INAFM2: variants seen among roughly 807,000 people sequenced by gnomAD.
INAFM2 encodes putative transmembrane protein INAFM2.
A neutral mutation model predicts 5.6 loss-of-function variants in INAFM2; 3 were observed. The ratio of observed to expected loss-of-function variants is 0.54; its 90% CI spans 0.24 to 1.39. The LOEUF (loss-of-function observed/expected upper bound fraction) is 1.39, where lower values mean the gene tolerates loss of function less well. INAFM2 is among the 40% of genes most tolerant of loss of function. INAFM2 has a pLI of 0.16. For synonymous variants in INAFM2, 113 were observed against 109.1 expected (o/e 1.04, Z -0.22); for missense variants, 186 against 217.5 (o/e 0.86, Z 0.91).
Position 40,324,340 on chromosome 15 carries a change from G to A in INAFM2, c.285G>A (p.Gly95=). 8.2e-7 allele frequency: 1 copy of A among 1,226,170 alleles called. No individual in the cohort carries two copies. The highest frequency in any genetic ancestry group is 1.0e-6 in the Non-Finnish European group (1 of 984,356). The allele number at this position is 1,226,170 out of a possible 1,614,324, so 76.0% of individuals were successfully genotyped here. A position where few individuals can be genotyped will look rare whatever the true frequency, so the allele number is the denominator to read the frequency against. Residue 95 remains glycine, a synonymous_variant, in exon 1 of 1, where the codon GGG becomes GGA. Coordinates refer to ENST00000638170, the MANE Select transcript of INAFM2 (RefSeq NM_001301268.2). The part of the protein sequence containing the change: ...PSGTSGAAAA[G]PNTTGSSRRE... The stretch of plus-strand genomic sequence containing the variant: ...GGACTTCGGGGGCGGCGGCGGCGGG[G>A]CCCAACACCACTGGGTCGTCCCGCC...
At position 40,324,751 on chromosome 15, in the gene INAFM2, A is replaced by T. The variant is rs1170519325; in HGVS notation, c.*234A>T. The T allele has an allele frequency of 1.6e-4, 39 of 243,672 alleles. No individual in the cohort carries two copies. The highest frequency in any genetic ancestry group is 1.2e-3 in the Middle Eastern group (1 of 834). The allele number at this position is 243,672 out of a possible 1,614,324, so 15.1% of individuals were successfully genotyped here. ...TTGCTGCCCAGGACCGTGCTGCACCAGGGCCCTGAGCCGTAGGGGGATGGG... is the reference window on the plus strand; with the variant it reads ...TTGCTGCCCAGGACCGTGCTGCACCTGGGCCCTGAGCCGTAGGGGGATGGG... On this transcript the variant is annotated 3_prime_UTR_variant, in exon 1 of 1. Coordinates refer to ENST00000638170, the MANE Select transcript of INAFM2 (RefSeq NM_001301268.2).
In INAFM2 at chr15:40,324,617, C is replaced by G; in HGVS notation, c.*100C>G. 2.4e-6 allele frequency: 2 copies of G among 818,434 alleles called. No individual in the cohort carries two copies. Among genetic ancestry groups the G allele is most frequent in the Non-Finnish European group, 3.2e-6 (2 of 615,782 alleles). The allele number at this position is 818,434 out of a possible 1,614,324, so 50.7% of individuals were successfully genotyped here. The stretch of plus-strand genomic sequence containing the variant: ...GGAGAGCCCGCGGGAGTGACCCCCA[C>G]GAGAGTGAACGCCCCTCACACTCCC... On this transcript the variant is annotated 3_prime_UTR_variant, in exon 1 of 1. Coordinates refer to ENST00000638170, the MANE Select transcript of INAFM2 (RefSeq NM_001301268.2).
Position 40,324,215 on chromosome 15 carries a change from G to T in INAFM2, c.160G>T (p.Ala54Ser). The T allele has an allele frequency of 8.1e-7, 1 of 1,229,570 alleles. No individual in the cohort carries two copies. The highest frequency in any genetic ancestry group is 1.0e-6 in the Non-Finnish European group (1 of 986,688). The allele number at this position is 1,229,570 out of a possible 1,614,324, so 76.2% of individuals were successfully genotyped here. A position where few individuals can be genotyped will look rare whatever the true frequency, so the allele number is the denominator to read the frequency against. The change falls in exon 1 of 1, where the codon GCC becomes TCC. Residue 54 changes from alanine (A) to serine (S), a missense_variant. By Grantham distance (99) the Ala-to-Ser change is moderately conservative. Around this residue, in one of 2 missense-constraint regions of INAFM2, gnomAD observed 38 missense variants for 77.3 expected, o/e 0.49. Coordinates refer to ENST00000638170, the MANE Select transcript of INAFM2 (RefSeq NM_001301268.2). The stretch of plus-strand genomic sequence containing the variant: ...CGTGTCGCTGGCCGCCATCGTGCTC[G>T]CCGTCTACTACAGCCTCATCTGGCA... Reference protein sequence around the residue: ...LSVSLAAIVLAVYYSLIWQPV... With the variant: ...LSVSLAAIVLSVYYSLIWQPV...
Position 40,324,033 on chromosome 15 carries a change from G to A in INAFM2, c.-23G>A. On this transcript the variant is annotated 5_prime_UTR_variant, in exon 1 of 1. Coordinates refer to ENST00000638170, the MANE Select transcript of INAFM2 (RefSeq NM_001301268.2). ...CCTCCAGCCGGGGCCGTGGAGCACC[G>A]GGGCAAAGGCCGGGGCCCCCCCATG... The A allele has an allele frequency of 8.2e-7, 1 of 1,222,452 alleles. No homozygotes were observed. The highest frequency in any genetic ancestry group is 1.0e-6 in the Non-Finnish European group (1 of 981,000). The allele number at this position is 1,222,452 out of a possible 1,614,324, so 75.7% of individuals were successfully genotyped here. A position where few individuals can be genotyped will look rare whatever the true frequency, so the allele number is the denominator to read the frequency against.
At position 40,324,462 on chromosome 15, in the gene INAFM2, C is replaced by T; in HGVS notation, c.407C>T (p.Pro136Leu). The change falls in exon 1 of 1, where the codon CCT becomes CTT. Residue 136 changes from proline (P) to leucine (L), a missense_variant. By Grantham distance (98) the Pro-to-Leu change is moderately conservative. Transcript: ENST00000638170. ...DSPPAGPLERPRGPDEDEEET... is the reference protein window; with the variant it reads ...DSPPAGPLERLRGPDEDEEET... ...CCCCCGGCCGGGCCGCTCGAGCGGC[C>T]TCGGGGGCCGGACGAGGACGAAGAG... 1 of 1,227,142 alleles carries T rather than the reference C, an allele frequency of 8.1e-7. No individual in the cohort carries two copies. The highest frequency in any genetic ancestry group is 1.0e-6 in the Non-Finnish European group (1 of 984,910). 76.0% of individuals were successfully genotyped at this position (1,227,142 alleles called of 1,614,324 possible).
rs907806358 is a variant in INAFM2 at position 40,324,525 on chromosome 15, C to T, written c.*8C>T. 6 of 1,226,444 alleles carry T rather than the reference C, an allele frequency of 4.9e-6. No homozygotes were observed. The African/African-American group carries it at 6.2e-5, about 13-fold the overall frequency. The allele number at this position is 1,226,444 out of a possible 1,614,324, so 76.0% of individuals were successfully genotyped here. A position where few individuals can be genotyped will look rare whatever the true frequency, so the allele number is the denominator to read the frequency against. On this transcript the variant is annotated 3_prime_UTR_variant, in exon 1 of 1. Transcript: ENST00000638170. ...GCGCCCGGGAGTCGTTGAAGCCCTCCGCGCTGGGGGCCGCCGGGAACCATT... is the reference window on the plus strand; with the variant it reads ...GCGCCCGGGAGTCGTTGAAGCCCTCTGCGCTGGGGGCCGCCGGGAACCATT...
chr15:40,323,761 GA>G lies in INAFM2; in HGVS notation c.-294del, dbSNP rs1426986950. The stretch of plus-strand genomic sequence containing the variant: ...GCGCGGCGGCGTGGCGGCGGATGGG[GA>G]CGCGGAGCCGGGCGGCTGTGGCGGC... On this transcript the variant is annotated 5_prime_UTR_variant, in exon 1 of 1. It introduces an in-frame stop codon into an upstream open reading frame of the 5' UTR. Coordinates refer to ENST00000638170, the MANE Select transcript of INAFM2 (RefSeq NM_001301268.2). This position sits in a 1 kb window ranked among gnomAD's most constrained non-coding sequence, Gnocchi z 5.6. 1.4e-5 allele frequency: 2 copies of G among 146,112 alleles called. No homozygotes were observed. Among genetic ancestry groups the G allele is most frequent in the African/African-American group, 5.0e-5 (2 of 40,352 alleles). 9.1% of individuals were successfully genotyped at this position (146,112 alleles called of 1,614,324 possible).
rs1420945711 is a variant in INAFM2, at chr15:40,326,213, TAGC to T, written c.*1700_*1702del. The stretch of plus-strand genomic sequence containing the variant: ...GGTCTCTTGGCTAGAGCAGATTTCT[TAGC>T]AGCTGACTAGGACTTCAGTCATTGG... On this transcript the variant is annotated 3_prime_UTR_variant, in exon 1 of 1. Transcript: ENST00000638170. 1.3e-5 allele frequency: 2 copies of T among 152,240 alleles called. No individual in the cohort carries two copies. The highest frequency in any genetic ancestry group is 6.5e-5 in the Admixed American group (1 of 15,280). 9.4% of individuals were successfully genotyped at this position (152,240 alleles called of 1,614,324 possible).
In INAFM2 at chr15:40,324,206, A is replaced by G. The variant is rs1888744564; in HGVS notation, c.151A>G (p.Ile51Val). 1 of 1,229,110 alleles carries G rather than the reference A, an allele frequency of 8.1e-7. No individual in the cohort carries two copies. The highest frequency in any genetic ancestry group is 4.1e-5 in the South Asian group (1 of 24,314). The allele number at this position is 1,229,110 out of a possible 1,614,324, so 76.1% of individuals were successfully genotyped here. Residue 51 changes from isoleucine to valine, a missense_variant, in exon 1 of 1, where the codon ATC (isoleucine) becomes GTC (valine). By Grantham distance (29) the Ile-to-Val change is conservative (BLOSUM62 3). Transcript: ENST00000638170. ...AYVLSVSLAA[I>V]VLAVYYSLIW... is the part of the protein sequence containing the mutation. ...CGTGCTCTCCGTGTCGCTGGCCGCC[A>G]TCGTGCTCGCCGTCTACTACAGCCT...
In INAFM2 at chr15:40,324,271, C is replaced by G. The variant is rs1484590910; in HGVS notation, c.216C>G (p.Ala72=). Residue 72 remains alanine (A), a synonymous_variant, in exon 1 of 1, where the codon GCC becomes GCG. Coordinates refer to ENST00000638170, the MANE Select transcript of INAFM2 (RefSeq NM_001301268.2). The part of the protein sequence containing the change: ...QPVGAGTSGG[A]AGPPPGGSNA... Reference sequence around the variant, plus strand: ...TGGGCGCCGGGACCTCGGGGGGAGCCGCTGGCCCGCCCCCCGGCGGCTCCA... The same window carrying G: ...TGGGCGCCGGGACCTCGGGGGGAGCGGCTGGCCCGCCCCCCGGCGGCTCCA... 8.1e-7 allele frequency: 1 copy of G among 1,228,874 alleles called. No homozygotes were observed. Among genetic ancestry groups the G allele is most frequent in the Non-Finnish European group, 1.0e-6 (1 of 986,372 alleles). 76.1% of individuals were successfully genotyped at this position (1,228,874 alleles called of 1,614,324 possible). A position where few individuals can be genotyped will look rare whatever the true frequency, so the allele number is the denominator to read the frequency against.
chr15:40,323,925 A>T lies in INAFM2; in HGVS notation c.-131A>T. Reference sequence around the variant, plus strand: ...TGGCGGGCTGCGGGCGGGCGGCGTGAGGAGCGGCGGCGGAGCGCGGGGCCG... The same window carrying T: ...TGGCGGGCTGCGGGCGGGCGGCGTGTGGAGCGGCGGCGGAGCGCGGGGCCG... On this transcript the variant is annotated 5_prime_UTR_variant, in exon 1 of 1. Transcript: ENST00000638170. This position sits in a 1 kb window ranked among gnomAD's most constrained non-coding sequence, Gnocchi z 5.6. 1 of 332,940 alleles carries T rather than the reference A, an allele frequency of 3.0e-6. No homozygotes were observed. Among genetic ancestry groups the T allele is most frequent in the Non-Finnish European group, 4.9e-6 (1 of 205,890 alleles). The allele number at this position is 332,940 out of a possible 1,614,324, so 20.6% of individuals were successfully genotyped here. A position where few individuals can be genotyped will look rare whatever the true frequency, so the allele number is the denominator to read the frequency against.
In INAFM2 at chr15:40,324,234, T is replaced by G; in HGVS notation, c.179T>G (p.Ile60Ser). The change falls in exon 1 of 1, where the codon ATC becomes AGC. Residue 60 changes from isoleucine (I) to serine (S), a missense_variant. By Grantham distance (142) the Ile-to-Ser change is moderately radical. This residue lies in a region of INAFM2 where 148 missense variants were observed against 140.2 expected (regional missense o/e 1.06). Coordinates refer to ENST00000638170, the MANE Select transcript of INAFM2 (RefSeq NM_001301268.2). The stretch of plus-strand genomic sequence containing the variant: ...GTGCTCGCCGTCTACTACAGCCTCA[T>G]CTGGCAGCCGGTGGGCGCCGGGACC... The part of the protein sequence containing the change: ...AIVLAVYYSL[I>S]WQPVGAGTSG... 8.1e-7 allele frequency: 1 copy of G among 1,229,266 alleles called. No individual in the cohort carries two copies. The highest frequency in any genetic ancestry group is 1.0e-6 in the Non-Finnish European group (1 of 986,598). The allele number at this position is 1,229,266 out of a possible 1,614,324, so 76.1% of individuals were successfully genotyped here. A position where few individuals can be genotyped will look rare whatever the true frequency, so the allele number is the denominator to read the frequency against.
In INAFM2 at chr15:40,324,017, G is replaced by A; in HGVS notation, c.-39G>A. The stretch of plus-strand genomic sequence containing the variant: ...GCAGGCCGCCAGGCCCCCTCCAGCC[G>A]GGGCCGTGGAGCACCGGGGCAAAGG... On this transcript the variant is annotated 5_prime_UTR_variant, in exon 1 of 1. Coordinates refer to ENST00000638170, the MANE Select transcript of INAFM2 (RefSeq NM_001301268.2). The A allele has an allele frequency of 8.4e-7, 1 of 1,194,200 alleles. No homozygotes were observed. The highest frequency in any genetic ancestry group is 1.0e-6 in the Non-Finnish European group (1 of 955,944). The allele number at this position is 1,194,200 out of a possible 1,614,324, so 74.0% of individuals were successfully genotyped here.
chr15:40,324,048 GC>G lies in INAFM2; in HGVS notation c.-1del, dbSNP rs1888741284. ...GTGGAGCACCGGGGCAAAGGCCGGGGCCCCCCCATGAAGGAGCGCGACGCGG... is the reference window on the plus strand; with the variant it reads ...GTGGAGCACCGGGGCAAAGGCCGGGGCCCCCCATGAAGGAGCGCGACGCGG... On this transcript the variant is annotated 5_prime_UTR_variant, in exon 1 of 1. Coordinates refer to ENST00000638170, the MANE Select transcript of INAFM2 (RefSeq NM_001301268.2). 6 of 1,226,924 alleles carry G rather than the reference GC, an allele frequency of 4.9e-6. No homozygotes were observed. In the South Asian group the frequency reaches 1.2e-4, roughly 25 times the overall value. The allele number at this position is 1,226,924 out of a possible 1,614,324, so 76.0% of individuals were successfully genotyped here.
rs1315534743 is a variant in INAFM2, at chr15:40,323,845, G to GCGGCGCTGGCGGCGGTGA, written c.-209_-192dup. On this transcript the variant is annotated 5_prime_UTR_variant, in exon 1 of 1. Transcript: ENST00000638170. The surrounding 1 kb of genome is among the most constrained non-coding windows in gnomAD (Gnocchi z 5.6). ...AGCAGCTGACGGGCCGGCGGCGGCG[G>GCGGCGCTGGCGGCGGTGA]CGGCGCTGGCGGCGGTGACTGGTCC... 1 of 151,218 alleles carries GCGGCGCTGGCGGCGGTGA rather than the reference G, an allele frequency of 6.6e-6. No individual in the cohort carries two copies. The highest frequency in any genetic ancestry group is 1.4e-5 in the Non-Finnish European group (1 of 69,278). 9.4% of individuals were successfully genotyped at this position (151,218 alleles called of 1,614,324 possible).
chr15:40,324,202 C>A lies in INAFM2; in HGVS notation c.147C>A (p.Ala49=). The A allele has an allele frequency of 8.1e-7, 1 of 1,229,458 alleles. No individual in the cohort carries two copies. Among genetic ancestry groups the A allele is most frequent in the Non-Finnish European group, 1.0e-6 (1 of 986,598 alleles). 76.2% of individuals were successfully genotyped at this position (1,229,458 alleles called of 1,614,324 possible). A position where few individuals can be genotyped will look rare whatever the true frequency, so the allele number is the denominator to read the frequency against. Reference sequence around the variant, plus strand: ...CCTACGTGCTCTCCGTGTCGCTGGCCGCCATCGTGCTCGCCGTCTACTACA... The same window carrying A: ...CCTACGTGCTCTCCGTGTCGCTGGCAGCCATCGTGCTCGCCGTCTACTACA... ...VFAYVLSVSL[A]AIVLAVYYSL... is the part of the protein sequence containing the mutation. Residue 49 remains alanine, a synonymous_variant, in exon 1 of 1, where the codon GCC becomes GCA. Coordinates refer to ENST00000638170, the MANE Select transcript of INAFM2 (RefSeq NM_001301268.2).
In INAFM2 at chr15:40,323,994, A is replaced by G. The variant is rs1781659437; in HGVS notation, c.-62A>G. 2.4e-5 allele frequency: 25 copies of G among 1,058,784 alleles called. No individual in the cohort carries two copies. The highest frequency in any genetic ancestry group is 4.4e-5 in the Admixed American group (1 of 22,782). The allele number at this position is 1,058,784 out of a possible 1,614,324, so 65.6% of individuals were successfully genotyped here. A position where few individuals can be genotyped will look rare whatever the true frequency, so the allele number is the denominator to read the frequency against. ...GGGCCGCCCCCTGCCCAGTCCTTGC[A>G]GGCCGCCAGGCCCCCTCCAGCCGGG... On this transcript the variant is annotated 5_prime_UTR_variant, in exon 1 of 1. Transcript: ENST00000638170. This position sits in a 1 kb window ranked among gnomAD's most constrained non-coding sequence, Gnocchi z 5.6.
At position 40,324,169 on chromosome 15, in the gene INAFM2, C is replaced by T. The variant is rs549241652; in HGVS notation, c.114C>T (p.Thr38=). 6.5e-6 allele frequency: 8 copies of T among 1,229,276 alleles called. No homozygotes were observed. The highest frequency in any genetic ancestry group is 3.1e-5 in the African/African-American group (2 of 64,376). The allele number at this position is 1,229,276 out of a possible 1,614,324, so 76.1% of individuals were successfully genotyped here. The change falls in exon 1 of 1, where the codon ACC becomes ACT. Residue 38 remains threonine (T), a synonymous_variant. Coordinates refer to ENST00000638170, the MANE Select transcript of INAFM2 (RefSeq NM_001301268.2). ...ACAAGAAGTGGGTCCGGCTCGCCAC[C>T]GTGTTCGCCTACGTGCTCTCCGTGT... ...KTNKKWVRLA[T]VFAYVLSVSL...
In INAFM2 at chr15:40,324,553, C is replaced by T; in HGVS notation, c.*36C>T. ...GCTGGGGGCCGCCGGGAACCATTCTCCCCAAGCCCAGAGGCAGGACTTCGC... is the reference window on the plus strand; with the variant it reads ...GCTGGGGGCCGCCGGGAACCATTCTTCCCAAGCCCAGAGGCAGGACTTCGC... On this transcript the variant is annotated 3_prime_UTR_variant, in exon 1 of 1. Coordinates refer to ENST00000638170, the MANE Select transcript of INAFM2 (RefSeq NM_001301268.2). The T allele has an allele frequency of 1.6e-6, 2 of 1,212,166 alleles. No individual in the cohort carries two copies. The highest frequency in any genetic ancestry group is 3.2e-4 in the Middle Eastern group (1 of 3,132). The allele number at this position is 1,212,166 out of a possible 1,614,324, so 75.1% of individuals were successfully genotyped here. A position where few individuals can be genotyped will look rare whatever the true frequency, so the allele number is the denominator to read the frequency against.
Sources: allele counts gnomAD v4.1 joint callset, GRCh38; gene constraint gnomAD v4.1.1; regional missense constraint gnomAD v4.1.1; non-coding constraint Gnocchi (gnomAD v3.1); transcripts MANE v1.5; gene names NCBI Gene and HGNC (gene_info 2026-07-23, HGNC 2026-07-21).